Variants in METTL15 observed in about 807,000 individuals in gnomAD.
The protein encoded by METTL15 is 12S rRNA N(4)-cytidine methyltransferase METTL15.
In METTL15, 34 loss-of-function variants were observed where a neutral mutation model predicts 38.3. The observed-to-expected ratio is 0.89, with a 90% CI of 0.68 to 1.18. METTL15 has a LOEUF of 1.18. Ranked by LOEUF, METTL15 falls within the 50% of genes most tolerant of loss-of-function variation. The probability of loss-of-function intolerance (pLI) is 0.00; values close to 1 mark genes in which losing one functional copy is unlikely to be tolerated. For missense variants in METTL15, 438 were observed against 498.4 expected, an observed-to-expected ratio of 0.88 and a Z score of 1.15; for synonymous variants, 162 against 170.9, an observed-to-expected ratio of 0.95 and a Z score of 0.41.
intron 3 of METTL15, among the ~76,000 whole-genome samples, chr11:28,142,151 T>C (rs1273663256): frequency 6.6e-6 from 1 of 152,224 alleles, no homozygotes; most frequent in Non-Finnish European, 1.5e-5. Context: ...AAGATGTTAA[T>C]TGACTTTGTT....
intron 6 of METTL15, among the ~76,000 whole-genome samples, chr11:28,442,700 GA>G (rs2133441778): frequency 6.6e-6 from 1 of 152,300 alleles, no homozygotes; most frequent in African/African-American, 2.4e-5. Flanking sequence ...TTCACTTGCA[GA>G]GGTGAGTTTC....
chr11:28,128,155 A>G (rs1590768621), intron 3 of METTL15, among the ~76,000 whole-genome samples: 1 of 152,246 alleles, frequency 6.6e-6, no homozygotes, highest in African/African-American at 2.4e-5. Flanking sequence ...TCATATGGCA[A>G]CCGTTTTAGC....
chr11:28,129,409 T>C (rs1852654223), intron 3 of METTL15, among the ~76,000 whole-genome samples: 1 of 77,182 alleles, frequency 1.3e-5, no homozygotes, highest in African/African-American at 7.5e-5. Flanking sequence ...TAAAATTACT[T>C]TTTTTTTTTT....
chr11:28,532,302 C>T, the METTL15 span, among the ~76,000 whole-genome samples: 2 of 151,956 alleles, frequency 1.3e-5, no homozygotes, highest in Non-Finnish European at 1.5e-5. Flanking sequence ...GAAATGAATA[C>T]CAAGAAAGCA....
At chr11:28,269,349 A>G (rs1238496210) in intron 4 of METTL15, among the ~76,000 whole-genome samples, 1 of 152,078 alleles carries the variant, frequency 6.6e-6, no homozygotes, top group Non-Finnish European at 1.5e-5. Flanking sequence ...ATGTGCATGT[A>G]TGTAACTTGC....
At chr11:28,186,471 A>G (rs1851497480) in intron 3 of METTL15, among the ~76,000 whole-genome samples, 1 of 151,248 alleles carries the variant, frequency 6.6e-6, no homozygotes, top group Non-Finnish European at 1.5e-5. Flanking sequence ...TTAGAATTTT[A>G]TAGTTACAAT....
intron 6 of METTL15, among the ~76,000 whole-genome samples, chr11:28,510,555 G>A (rs1851665597): frequency 6.6e-6 from 1 of 152,000 alleles, no homozygotes; most frequent in Non-Finnish European, 1.5e-5. Flanking sequence ...AGTAGTATCA[G>A]TGAACAATTT....
chr11:28,341,401 G>A (rs923652591), intron 3 of METTL15, among the ~76,000 whole-genome samples: 1 of 152,100 alleles, frequency 6.6e-6, no homozygotes, highest in Non-Finnish European at 1.5e-5. Flanking sequence ...AATTCTAGGT[G>A]GAGGGATTTA....
intron 6 of METTL15, among the ~76,000 whole-genome samples, chr11:28,303,137 C>T (rs771171612): frequency 2.6e-5 from 4 of 152,102 alleles, no homozygotes; most frequent in Admixed American, 2.0e-4. Context: ...CGTATTCTAG[C>T]GCTCTTTTCA....
At chr11:28,455,832 G>A (rs948083215) in intron 6 of METTL15, among the ~76,000 whole-genome samples, 8 of 151,864 alleles carry the variant, frequency 5.3e-5, no homozygotes, top group Admixed American at 1.3e-4. Context: ...TCAGCCTCCC[G>A]AGTAGCTGGG....
intron 4 of METTL15, among the ~76,000 whole-genome samples, chr11:28,354,230 C>T (rs983853067): frequency 3.2e-4 from 49 of 152,254 alleles, no homozygotes; most frequent in Middle Eastern, 3.4e-3. Flanking sequence ...ATCTGCAGAG[C>T]ACACCAGAAC....
At chr11:28,225,472 G>A (rs945040975) in intron 4 of METTL15, among the ~76,000 whole-genome samples, 5 of 151,390 alleles carry the variant, frequency 3.3e-5, no homozygotes, top group Admixed American at 2.0e-4. Flanking sequence ...TATAGAATTC[G>A]GGGAATTTTA....
intron 6 of METTL15, among the ~76,000 whole-genome samples, chr11:28,461,308 C>T (rs1238698395): frequency 2.0e-5 from 3 of 152,058 alleles, no homozygotes; most frequent in Non-Finnish European, 2.9e-5. Context: ...GTAGATAGGA[C>T]GTCTGGCATT....
intron 4 of METTL15, among the ~76,000 whole-genome samples, chr11:28,234,446 C>T (rs1853844413): frequency 1.3e-5 from 2 of 151,180 alleles, no homozygotes; most frequent in Admixed American, 1.3e-4. Flanking sequence ...TCCTATTTCT[C>T]CACATCCTCT....
chr11:28,287,197 T>TG (rs1555024719), intron 4 of METTL15: 198 of 208,808 alleles, frequency 9.5e-4, no homozygotes, highest in African/African-American at 4.8e-3. Flanking sequence ...TGTGTGTGTG[T>TG]TCATGAGGCA....
intron 6 of METTL15, among the ~76,000 whole-genome samples, chr11:28,500,805 G>T (rs545569885): frequency 6.6e-6 from 1 of 152,280 alleles, no homozygotes; most frequent in Non-Finnish European, 1.5e-5. Context: ...TTACAGGCGT[G>T]AGCCACTGCA....
intron 6 of METTL15, among the ~76,000 whole-genome samples, chr11:28,427,378 G>A (rs539535564): frequency 6.6e-6 from 1 of 152,148 alleles, no homozygotes; most frequent in Admixed American, 6.5e-5. Flanking sequence ...GATGCCTCCA[G>A]CTTTGTTCTT....
intron 6 of METTL15, among the ~76,000 whole-genome samples, chr11:28,431,789 T>TAAAAAA (rs1564929855): frequency 2.0e-4 from 2 of 9,952 alleles, no homozygotes; most frequent in Non-Finnish European, 3.1e-4. Flanking sequence ...AAAAATAAAT[T>TAAAAAA]TAAAAAAAAA....
chr11:28,478,855 G>A (rs1198300406), intron 6 of METTL15, among the ~76,000 whole-genome samples: 2 of 152,244 alleles, frequency 1.3e-5, no homozygotes, highest in Admixed American at 6.5e-5. Flanking sequence ...TGGTGTTGAT[G>A]TTTTTTTGAC....
Sources: allele counts gnomAD v4.1 joint callset (sites outside exome capture counted in the v4.1 genomes callset), GRCh38; gene constraint gnomAD v4.1.1; transcripts MANE v1.5; gene names NCBI Gene and HGNC (gene_info 2026-07-23, HGNC 2026-07-21).